PDZRN4: variants seen among roughly 807,000 people sequenced by gnomAD.
PDZRN4 encodes the protein PDZ domain containing ring finger 4, also known as PDZ domain-containing RING finger protein 4.
A neutral mutation model predicts 99.0 loss-of-function variants in PDZRN4; 70 were observed. The ratio of observed to expected loss-of-function variants is 0.71; its 90% CI spans 0.58 to 0.86. PDZRN4 has a LOEUF of 0.86. Ranked by LOEUF, PDZRN4 falls within the 40% of genes least tolerant of loss-of-function variation. PDZRN4 has a pLI of 0.00. For missense variants in PDZRN4, 1,474 were observed against 1,331.2 expected (o/e 1.11, Z -1.67); for synonymous variants, 551 against 501.6 (o/e 1.10, Z -1.32).
intron 3 of PDZRN4, among the ~76,000 whole-genome samples, chr12:41,315,460 C>A (rs73122884): frequency 0.16 from 24,564 of 152,072 alleles, 2,412 homozygotes; most frequent in Non-Finnish European, 0.22. Context: ...ATAAACACTA[C>A]AACCCCTGTT....
intron 5 of PDZRN4, among the ~76,000 whole-genome samples, chr12:41,537,011 T>G (rs1488231486): frequency 6.6e-6 from 1 of 152,194 alleles, no homozygotes; most frequent in East Asian, 1.9e-4. Context: ...AGTATTATTT[T>G]CCACAAAAAG....
At position 41,573,568 on chromosome 12, in the gene PDZRN4, A is replaced by G; in HGVS notation, c.2789A>G (p.Asp930Gly). 1 of 1,613,370 alleles carries G rather than the reference A, an allele frequency of 6.2e-7. No individual in the cohort carries two copies. The highest frequency in any genetic ancestry group is 2.2e-5 in the East Asian group (1 of 44,796). ...CGGAGTGGCATGACCACAGACGATG[A>G]CACCATGAGCGAGATGAAAATGGGG... The part of the protein sequence containing the change: ...EERSGMTTDD[D>G]TMSEMKMGRY... Residue 930 changes from aspartate to glycine, a missense_variant, in exon 10 of 10, where the codon GAC (aspartate) becomes GGC (glycine). Transcript: ENST00000402685.
At chr12:41,259,214 T>C (rs1043139739) in intron 3 of PDZRN4, among the ~76,000 whole-genome samples, 5 of 152,078 alleles carry the variant, frequency 3.3e-5, no homozygotes, top group African/African-American at 1.2e-4. Context: ...ACAATAACAT[T>C]AAATATTTTC....
intron 3 of PDZRN4, among the ~76,000 whole-genome samples, chr12:41,406,167 G>A (rs1354069523): frequency 4.6e-5 from 7 of 151,730 alleles, no homozygotes; most frequent in Non-Finnish European, 8.8e-5. Context: ...TTTTTTTTGA[G>A]TGATGATTCT....
At chr12:41,348,211 C>T (rs887757678) in intron 3 of PDZRN4, among the ~76,000 whole-genome samples, 7 of 152,054 alleles carry the variant, frequency 4.6e-5, no homozygotes, top group Non-Finnish European at 8.8e-5. Flanking sequence ...ATTTAGGTTT[C>T]TGGAGTGTAC....
chr12:41,552,514 A>T (rs1592108855), intron 5 of PDZRN4, 142 bp from the exon 6 acceptor site: 1 of 42,404 alleles, frequency 2.4e-5, no homozygotes, highest in Non-Finnish European at 6.1e-5. Flanking sequence ...TAATATTGGT[A>T]AAAAAAAAAA....
chr12:41,441,979 C>T (rs1368961157), intron 3 of PDZRN4, among the ~76,000 whole-genome samples: 2 of 152,082 alleles, frequency 1.3e-5, no homozygotes, highest in African/African-American at 4.8e-5. Flanking sequence ...AAGAATTTTC[C>T]CTCTTAGAAT....
intron 3 of PDZRN4, among the ~76,000 whole-genome samples, chr12:41,212,711 G>A (rs1950896338): frequency 6.6e-6 from 1 of 152,026 alleles, no homozygotes; most frequent in African/African-American, 2.4e-5. Context: ...GGAAGTTCTA[G>A]CTGTTGTTTG....
intron 8 of PDZRN4, 151 bp downstream of exon 8, chr12:41,563,800 C>A: frequency 3.3e-6 from 2 of 599,728 alleles, no homozygotes; most frequent in Non-Finnish European, 5.8e-6. Context: ...ACCAGATGGC[C>A]TATGTGGGAG....
intron 3 of PDZRN4, among the ~76,000 whole-genome samples, chr12:41,407,033 G>A (rs1310584033): frequency 6.6e-6 from 1 of 152,138 alleles, no homozygotes; most frequent in Non-Finnish European, 1.5e-5. Context: ...CCTGATTGAT[G>A]AGCATTGTTC....
intron 8 of PDZRN4, among the ~76,000 whole-genome samples, chr12:41,566,600 G>A (rs1939376884): frequency 6.6e-6 from 1 of 152,078 alleles, no homozygotes; most frequent in Non-Finnish European, 1.5e-5. Flanking sequence ...GTTCTACATG[G>A]CCTTTAATAG....
chr12:41,512,960 T>G (rs1356977405), intron 5 of PDZRN4, among the ~76,000 whole-genome samples: 1 of 152,144 alleles, frequency 6.6e-6, no homozygotes, highest in Non-Finnish European at 1.5e-5. Flanking sequence ...AAATAGCTTC[T>G]AGTATATAGA....
chr12:41,428,497 C>A (rs577624860), intron 3 of PDZRN4, among the ~76,000 whole-genome samples: 18 of 152,268 alleles, frequency 1.2e-4, no homozygotes, highest in South Asian at 2.1e-4. Context: ...CCAGATAGAA[C>A]TGTCCACACT....
At chr12:41,539,016 C>T (rs890594387) in intron 5 of PDZRN4, among the ~76,000 whole-genome samples, 1 of 151,970 alleles carries the variant, frequency 6.6e-6, no homozygotes, top group Non-Finnish European at 1.5e-5. Context: ...AGCTATAAAT[C>T]CAGGAGGTAC....
intron 3 of PDZRN4, among the ~76,000 whole-genome samples, chr12:41,480,972 G>C (rs190127975): frequency 2.0e-5 from 3 of 147,700 alleles, no homozygotes; most frequent in East Asian, 2.0e-4. Context: ...TAAATTACAG[G>C]GTTTTTTTTT....
At chr12:41,485,317 G>A (rs558726622) in intron 3 of PDZRN4, among the ~76,000 whole-genome samples, 1 of 152,252 alleles carries the variant, frequency 6.6e-6, no homozygotes, top group Non-Finnish European at 1.5e-5. Flanking sequence ...AGGCAAGTCA[G>A]ACACTGTGTA....
At chr12:41,243,132 A>C (rs992065232) in intron 3 of PDZRN4, among the ~76,000 whole-genome samples, 3 of 152,218 alleles carry the variant, frequency 2.0e-5, no homozygotes, top group Non-Finnish European at 2.9e-5. Flanking sequence ...CCCCTATGAA[A>C]TGGAAGTTTT....
At chr12:41,517,180 GA>G (rs1938415369) in intron 5 of PDZRN4, among the ~76,000 whole-genome samples, 1 of 151,906 alleles carries the variant, frequency 6.6e-6, no homozygotes, top group Non-Finnish European at 1.5e-5. Flanking sequence ...TATTTCCTAA[GA>G]AAACAATGAA....
At chr12:41,519,891 A>G (rs146062590) in intron 5 of PDZRN4, among the ~76,000 whole-genome samples, 26 of 152,124 alleles carry the variant, frequency 1.7e-4, no homozygotes, top group African/African-American at 6.0e-4. Flanking sequence ...GGCCTATATA[A>G]TGAAATGTAA....
Sources: gnomAD v4.1 joint callset for allele counts (sites outside exome capture counted in the v4.1 genomes callset) on GRCh38, gnomAD v4.1.1 for gene constraint, MANE v1.5 for transcripts, NCBI Gene and HGNC (gene_info 2026-07-23, HGNC 2026-07-21) for gene names.